The following CTNNA3 variants were observed in gnomAD, a reference collection of about 807,000 sequenced individuals.
The protein encoded by CTNNA3 is catenin alpha-3.
Under a neutral mutation model 95.7 loss-of-function variants are expected in CTNNA3, and 76 were observed. The observed-to-expected ratio is 0.79, with a 90% CI of 0.66 to 0.96. The LOEUF (loss-of-function observed/expected upper bound fraction) is 0.96, where lower values mean the gene tolerates loss of function less well. Among genes scored for constraint, CTNNA3 ranks in the 40% least tolerant of loss-of-function variants. The pLI is 0.00. For synonymous variants in CTNNA3, 431 were observed against 374.4 expected, an observed-to-expected ratio of 1.15 and a Z score of -1.74; for missense variants, 1,191 against 1,089.8, an observed-to-expected ratio of 1.09 and a Z score of -1.31.
intron 7 of CTNNA3, among the ~76,000 whole-genome samples, chr10:67,071,847 T>C (rs1363314068): frequency 1.3e-5 from 2 of 152,240 alleles, no homozygotes; most frequent in East Asian, 1.9e-4. Flanking sequence ...ACTAAACTTG[T>C]ATTATACTGT....
At chr10:66,066,093 C>A (rs904373501) in intron 15 of CTNNA3, among the ~76,000 whole-genome samples, 4 of 152,014 alleles carry the variant, frequency 2.6e-5, no homozygotes, top group Non-Finnish European at 5.9e-5. Flanking sequence ...GAACTCCCAA[C>A]CTCTGGTGAC....
intron 7 of CTNNA3, among the ~76,000 whole-genome samples, chr10:66,802,018 G>A (rs1018347510): frequency 6.6e-6 from 1 of 151,630 alleles, no homozygotes; most frequent in Non-Finnish European, 1.5e-5. Context: ...TCAATATGTG[G>A]TGCTAGAAAA....
At chr10:67,143,446 A>AAAAAAAAAAAAAAAAAAC (rs1860690358) in intron 7 of CTNNA3, among the ~76,000 whole-genome samples, 1 of 150,690 alleles carries the variant, frequency 6.6e-6, no homozygotes, top group Non-Finnish European at 1.5e-5. Context: ...AAAAAAAAAA[A>AAAAAAAAAAAAAAAAAAC]ATTATCTGTA....
chr10:67,554,226 G>T (rs1841146034), intron 3 of CTNNA3, among the ~76,000 whole-genome samples: 1 of 152,200 alleles, frequency 6.6e-6, no homozygotes, highest in Admixed American at 6.5e-5. Context: ...ACATACGTGT[G>T]CATGTGTCTT....
chr10:66,483,397 GTATGATT>G (rs777471133), intron 11 of CTNNA3, among the ~76,000 whole-genome samples: 1 of 151,944 alleles, frequency 6.6e-6, no homozygotes, highest in Non-Finnish European at 1.5e-5. Context: ...AGATGTACAT[GTATGATT>G]TGTGGCCATG....
intron 15 of CTNNA3, among the ~76,000 whole-genome samples, chr10:65,999,191 G>A (rs930896296): frequency 6.6e-6 from 1 of 152,120 alleles, no homozygotes; most frequent in Non-Finnish European, 1.5e-5. Context: ...GTAAGGCATT[G>A]CATTTCATTA....
intron 3 of CTNNA3, among the ~76,000 whole-genome samples, chr10:67,544,363 G>C (rs1840774711): frequency 6.6e-6 from 1 of 152,084 alleles, no homozygotes; most frequent in African/African-American, 2.4e-5. Flanking sequence ...AAAAAAAACA[G>C]GATGAGCCCT....
intron 5 of CTNNA3, among the ~76,000 whole-genome samples, chr10:67,400,489 C>T (rs1294325968): frequency 6.6e-6 from 1 of 152,106 alleles, no homozygotes; most frequent in Admixed American, 6.5e-5. Context: ...TGTCTCCCTA[C>T]AAATGGGCAT....
chr10:66,294,796 A>G (rs2091747216), intron 12 of CTNNA3, among the ~76,000 whole-genome samples: 1 of 152,128 alleles, frequency 6.6e-6, no homozygotes, highest in Non-Finnish European at 1.5e-5. Context: ...AAGAGCCAAA[A>G]GGAAAGGAAG....
chr10:67,112,071 A>C (rs1858937194), intron 7 of CTNNA3, among the ~76,000 whole-genome samples: 1 of 152,200 alleles, frequency 6.6e-6, no homozygotes, highest in African/African-American at 2.4e-5. Flanking sequence ...TCACACGTTG[A>C]ATAGATGTTG....
chr10:66,110,290 A>T (rs1426107542), intron 13 of CTNNA3, among the ~76,000 whole-genome samples: 2 of 147,758 alleles, frequency 1.4e-5, no homozygotes, highest in Non-Finnish European at 3.0e-5. Flanking sequence ...TGAACCTGGG[A>T]GGTGGAGGTT....
At position 66,178,212 on chromosome 10, in the gene CTNNA3, C is replaced by A. The variant is rs973526890; in HGVS notation, c.1885-74963G>T. ...GTAAAATAAAAACAAATTTGCAGGA[C>A]TTCTGCTAGAGAGATGGATTAGGTA... On this transcript the variant is annotated intron_variant, in intron 13 of 17. Transcript: ENST00000433211. 3.3e-5 allele frequency among the ~76,000 whole-genome samples: 5 copies of A among 150,944 alleles called. No individual in the cohort carries two copies. The East Asian group carries it at 9.7e-4, about 29-fold the overall frequency.
chr10:67,292,011 AG>A (rs889573840), intron 5 of CTNNA3, among the ~76,000 whole-genome samples: 1 of 152,186 alleles, frequency 6.6e-6, no homozygotes, highest in Admixed American at 6.6e-5. Context: ...TTGGACAAAA[AG>A]TTTACTACCT....
At chr10:66,271,472 T>C (rs2091280018) in intron 13 of CTNNA3, among the ~76,000 whole-genome samples, 1 of 152,196 alleles carries the variant, frequency 6.6e-6, no homozygotes, top group Non-Finnish European at 1.5e-5. Flanking sequence ...ATACTTAATA[T>C]AAATCTAACT....
chr10:66,859,312 T>G (rs1311342160), intron 7 of CTNNA3, among the ~76,000 whole-genome samples: 2 of 151,512 alleles, frequency 1.3e-5, no homozygotes, highest in African/African-American at 4.9e-5. Flanking sequence ...CTCAAACAAA[T>G]TTACAAGAAA....
At chr10:66,056,918 C>T (rs566376951) in intron 15 of CTNNA3, among the ~76,000 whole-genome samples, 42 of 152,290 alleles carry the variant, frequency 2.8e-4, no homozygotes, top group African/African-American at 9.9e-4. Flanking sequence ...GCTTATGTAG[C>T]AATAGACCCA....
intron 5 of CTNNA3, among the ~76,000 whole-genome samples, chr10:67,374,889 T>A (rs1195737614): frequency 3.3e-5 from 5 of 152,206 alleles, no homozygotes; most frequent in Non-Finnish European, 5.9e-5. Context: ...ATATACAACT[T>A]ATTTAGTTTA....
intron 7 of CTNNA3, among the ~76,000 whole-genome samples, chr10:66,994,700 T>C (rs910499515): frequency 6.6e-6 from 1 of 152,168 alleles, no homozygotes; most frequent in African/African-American, 2.4e-5. Flanking sequence ...CAAGTTATGA[T>C]TAAGATAAGG....
At chr10:66,516,986 G>A (rs547470279) in intron 11 of CTNNA3, among the ~76,000 whole-genome samples, 1 of 152,150 alleles carries the variant, frequency 6.6e-6, no homozygotes, top group South Asian at 2.1e-4. Flanking sequence ...ACTTTGAGAG[G>A]TCAAGGCGGG....
Sources: gnomAD v4.1 joint callset for allele counts (sites outside exome capture counted in the v4.1 genomes callset) on GRCh38, gnomAD v4.1.1 for gene constraint, MANE v1.5 for transcripts, NCBI Gene and HGNC (gene_info 2026-07-23, HGNC 2026-07-21) for gene names.